RC3H2: variants seen among roughly 807,000 people sequenced by gnomAD.
The protein encoded by RC3H2 is ring finger and CCCH-type domains 2.
A neutral mutation model predicts 133.3 loss-of-function variants in RC3H2; 31 were observed. That is an observed-to-expected ratio of 0.23 (90% CI 0.17 to 0.31). The LOEUF (loss-of-function observed/expected upper bound fraction) is 0.31, where lower values mean the gene tolerates loss of function less well. Ranked by LOEUF, RC3H2 falls within the 10% of genes least tolerant of loss-of-function variation. The probability of loss-of-function intolerance (pLI) is 1.00; values close to 1 mark genes in which losing one functional copy is unlikely to be tolerated. For synonymous variants in RC3H2, 517 were observed against 502.2 expected, an observed-to-expected ratio of 1.03 and a Z score of -0.40; for missense variants, 1,175 against 1,437.2, an observed-to-expected ratio of 0.82 and a Z score of 2.95.
rs1191415973 is a variant in RC3H2 at position 122,859,970 on chromosome 9, A to C, written c.1796T>G (p.Phe599Cys). The C allele has an allele frequency of 6.2e-7, 1 of 1,614,172 alleles. No individual in the cohort carries two copies. The highest frequency in any genetic ancestry group is 1.7e-5 in the Admixed American group (1 of 60,020). Residue 599 changes from phenylalanine (F) to cysteine (C), a missense_variant, in exon 11 of 21, where the codon TTT (phenylalanine) becomes TGT (cysteine). Transcript: ENST00000357244. Reference sequence around the variant, plus strand: ...GGGTATCTGAGTCCTTGGATCTTGAAAATACTGAATGTTTTCAGAATGCGG... The same window carrying C: ...GGGTATCTGAGTCCTTGGATCTTGACAATACTGAATGTTTTCAGAATGCGG... Reference protein sequence around the residue: ...YPPHSENIQYFQDPRTQIPFE... With the variant: ...YPPHSENIQYCQDPRTQIPFE...
intron 9 of RC3H2, among the ~76,000 whole-genome samples, chr9:122,866,477 G>A (rs1468361541): frequency 1.4e-5 from 2 of 146,954 alleles, no homozygotes; most frequent in Admixed American, 6.7e-5. Context: ...CTGTACTGCT[G>A]CCATCTCGGC....
Position 122,859,923 on chromosome 9 carries a change from G to A in RC3H2, c.1843C>T (p.Gln615Ter), listed in dbSNP as rs774509128. Reference sequence around the variant, plus strand: ...ATTGTCTAAAATTACTCACCTGTCTGTGGGTACTGTGGGACTTCAAAGGGT... The same window carrying A: ...ATTGTCTAAAATTACTCACCTGTCTATGGGTACTGTGGGACTTCAAAGGGT... Reference protein sequence around the residue: ...QIPFEVPQYPQTGYYPPPPTV... With the variant: ...QIPFEVPQYP Residue 615 changes from glutamine (Q) to a stop codon, truncating the protein, a stop_gained, in exon 11 of 21, where the codon CAG (glutamine) becomes TAG (stop). Transcript: ENST00000357244. LOFTEE classifies it high-confidence loss of function. 6.2e-7 allele frequency: 1 copy of A among 1,609,240 alleles called. No homozygotes were observed. The highest frequency in any genetic ancestry group is 8.5e-7 in the Non-Finnish European group (1 of 1,175,540).
At chr9:122,855,139 T>C (rs762190559) in intron 15 of RC3H2, 45 bp downstream of exon 15, 6 of 1,118,678 alleles carry the variant, frequency 5.4e-6, no homozygotes, top group East Asian at 2.5e-5. Context: ...AAAAAAGGCA[T>C]AGTGCTTAGA....
intron 11 of RC3H2, 98 bp from the exon 12 acceptor site, chr9:122,859,200 T>C (rs900644980): frequency 6.1e-6 from 6 of 977,200 alleles, no homozygotes; most frequent in Non-Finnish European, 8.7e-6. Flanking sequence ...TAGGAAAATA[T>C]AATAAGCTTT....
In RC3H2 at chr9:122,849,759, A is replaced by T. The variant is rs1026423529; in HGVS notation, c.3444T>A (p.Ile1148=). 1 of 1,607,648 alleles carries T rather than the reference A, an allele frequency of 6.2e-7. No homozygotes were observed. The highest frequency in any genetic ancestry group is 1.7e-5 in the Admixed American group (1 of 59,056). Reference sequence around the variant, plus strand: ...TGATGGGGAGGCAACTTGCATTGCTAATAGACACTGGGAGTGGCTGGCTAA... The same window carrying T: ...TGATGGGGAGGCAACTTGCATTGCTTATAGACACTGGGAGTGGCTGGCTAA... ...SCFSQPLPVS[I]SNASCLPITT... The change falls in exon 21 of 21, where the codon ATT becomes ATA. Residue 1148 remains isoleucine (I), a synonymous_variant. Coordinates refer to ENST00000357244, the MANE Select transcript of RC3H2 (RefSeq NM_001100588.3).
At chr9:122,878,215 G>A (rs988990599) in intron 8 of RC3H2, among the ~76,000 whole-genome samples, 3 of 152,170 alleles carry the variant, frequency 2.0e-5, no homozygotes, top group African/African-American at 7.2e-5. Flanking sequence ...GGAGAGAAGA[G>A]TACAAAGTGT....
chr9:122,873,027 T>A (rs766910765), intron 9 of RC3H2, among the ~76,000 whole-genome samples: 5 of 152,262 alleles, frequency 3.3e-5, no homozygotes, highest in African/African-American at 4.8e-5. Context: ...ATTTTATGTT[T>A]ACATATAATA....
At chr9:122,869,587 G>A (rs1367327127) in intron 9 of RC3H2, among the ~76,000 whole-genome samples, 4 of 145,612 alleles carry the variant, frequency 2.7e-5, no homozygotes, top group African/African-American at 5.2e-5. Context: ...TTTTTGAGGC[G>A]GAGTTTTGCT....
chr9:122,880,513 G>T, intron 6 of RC3H2, 81 bp downstream of exon 6: 1 of 1,074,818 alleles, frequency 9.3e-7, no homozygotes, highest in Non-Finnish European at 1.4e-6. Context: ...CCAACTGTTT[G>T]TGTATAGACT....
chr9:122,857,994 A>G lies in RC3H2; in HGVS notation c.2383T>C (p.Ser795Pro), dbSNP rs1332039355. 6.2e-7 allele frequency: 1 copy of G among 1,614,162 alleles called. No homozygotes were observed. Among genetic ancestry groups the G allele is most frequent in the Non-Finnish European group, 8.5e-7 (1 of 1,179,980 alleles). ...YHTQKAPLVS[S>P]TLPVATQSPT... is the part of the protein sequence containing the mutation. ...GACTGTGTTGCCACAGGAAGAGTTGAAGAGACAAGAGGTGCTTTCTGAGTG... is the reference window on the plus strand; with the variant it reads ...GACTGTGTTGCCACAGGAAGAGTTGGAGAGACAAGAGGTGCTTTCTGAGTG... The change falls in exon 13 of 21, where the codon TCA (serine) becomes CCA (proline). Residue 795 changes from serine (S) to proline (P), a missense_variant. Transcript: ENST00000357244.
At chr9:122,868,197 A>G (rs1234804360) in intron 9 of RC3H2, among the ~76,000 whole-genome samples, 3 of 150,996 alleles carry the variant, frequency 2.0e-5, no homozygotes, top group African/African-American at 7.3e-5. Flanking sequence ...CCTACTGGGA[A>G]GTGAGGAGCC....
intron 4 of RC3H2, 83 bp from the exon 5 acceptor site, chr9:122,883,462 G>T (rs1259314056): frequency 3.5e-5 from 36 of 1,041,980 alleles, no homozygotes; most frequent in Admixed American, 8.2e-5. Flanking sequence ...TTGGGTATTA[G>T]AGTTTATAGT....
chr9:122,897,053 C>T (rs898134273), intron 2 of RC3H2, among the ~76,000 whole-genome samples: 28 of 139,218 alleles, frequency 2.0e-4, no homozygotes, highest in Middle Eastern at 3.7e-3. Context: ...AAAAAAAAGG[C>T]CACATAAGAT....
intron 9 of RC3H2, among the ~76,000 whole-genome samples, chr9:122,867,248 C>CT (rs1830737382): frequency 1.9e-5 from 2 of 102,758 alleles, no homozygotes; most frequent in East Asian, 2.9e-4. Flanking sequence ...ATCAGCCCCC[C>CT]GCCCGGCCAG....
Position 122,859,114 on chromosome 9 carries a change from G to C in RC3H2, c.1850-12C>G, listed in dbSNP as rs374580900. The C allele has an allele frequency of 2.0e-6, 3 of 1,526,114 alleles. No individual in the cohort carries two copies. The highest frequency in any genetic ancestry group is 2.6e-6 in the Non-Finnish European group (3 of 1,136,782). The allele number at this position is 1,526,114 out of a possible 1,614,324, so 94.5% of individuals were successfully genotyped here. ...TGGTGGATAGTATCCTTGAAAATTG[G>C]AAAGAGGAATATTTAATGTAATCTT... On this transcript the variant is annotated splice_polypyrimidine_tract_variant and intron_variant, in intron 11 of 20. Transcript: ENST00000357244.
intron 13 of RC3H2, among the ~76,000 whole-genome samples, chr9:122,856,523 G>A (rs1181186570): frequency 6.6e-6 from 1 of 152,140 alleles, no homozygotes; most frequent in African/African-American, 2.4e-5. Context: ...CCAAAGTGCT[G>A]GGATTATAGG....
chr9:122,865,523 CCT>C lies in RC3H2; in HGVS notation c.1458_1459del (p.Gly487GlufsTer23). On this transcript the variant is annotated frameshift_variant, in exon 10 of 21. Transcript: ENST00000357244. LOFTEE classifies it high-confidence loss of function. ...TCCGTTTGTACTTGGAACAATTTTCCCTGTTGTTTCAGTACTTCCTATGACAG... is the reference window on the plus strand; with the variant it reads ...TCCGTTTGTACTTGGAACAATTTTCCGTTGTTTCAGTACTTCCTATGACAG... 1 of 1,614,156 alleles carries C rather than the reference CCT, an allele frequency of 6.2e-7. No homozygotes were observed. Among genetic ancestry groups the C allele is most frequent in the Non-Finnish European group, 8.5e-7 (1 of 1,180,024 alleles).
chr9:122,851,233 A>T lies in RC3H2; in HGVS notation c.3232-4T>A, dbSNP rs1452752746. 7 of 1,613,842 alleles carry T rather than the reference A, an allele frequency of 4.3e-6. No homozygotes were observed. Among genetic ancestry groups the T allele is most frequent in the African/African-American group, 1.3e-5 (1 of 74,942 alleles). On this transcript the variant is annotated splice_polypyrimidine_tract_variant and splice_region_variant and intron_variant, in intron 19 of 20. Transcript: ENST00000357244. ...CAAGCTGTATGTCCAAGATCTCCTA[A>T]GAAAATAAAATGTTAATCCTTCAGT...
At chr9:122,860,261 C>T in intron 10 of RC3H2, 130 bp from the exon 11 acceptor site, 6 of 658,460 alleles carry the variant, frequency 9.1e-6, no homozygotes, top group Non-Finnish European at 1.6e-5. Context: ...GCCACATTGA[C>T]AAATAAGGCA....
Sources: allele counts gnomAD v4.1 joint callset (sites outside exome capture counted in the v4.1 genomes callset), GRCh38; gene constraint gnomAD v4.1.1; transcripts MANE v1.5; gene names NCBI Gene and HGNC (gene_info 2026-07-23, HGNC 2026-07-21).